CNNM3: variants seen among roughly 807,000 people sequenced by gnomAD.
The protein encoded by CNNM3 is cyclin and CBS domain divalent metal cation transport mediator 3, also known as metal transporter CNNM3.
CNNM3 carries 47 observed loss-of-function variants against 57.1 expected under a neutral mutation model. The observed-to-expected ratio is 0.82, with a 90% CI of 0.65 to 1.05. The LOEUF is 1.05. Ranked by LOEUF, CNNM3 falls within the 50% of genes least tolerant of loss-of-function variation. The pLI is 0.00. For synonymous variants in CNNM3, 507 were observed against 478.2 expected (o/e 1.06, Z -0.79); for missense variants, 957 against 973.7 (o/e 0.98, Z 0.23).
In CNNM3 at chr2:96,822,011, T is replaced by TA. The variant is rs1349087712; in HGVS notation, c.1226-3047_1226-3046insA. Among the ~76,000 whole-genome samples the TA allele has an allele frequency of 3.5e-3, 485 of 139,624 alleles. 2 individuals carry two copies. Among genetic ancestry groups the TA allele is most frequent in the African/African-American group, 9.5e-3 (345 of 36,314 alleles). 91.6% of individuals were successfully genotyped at this position (139,624 alleles called of 152,430 possible). A position where few individuals can be genotyped will look rare whatever the true frequency, so the allele number is the denominator to read the frequency against. On this transcript the variant is annotated intron_variant, in intron 1 of 7. Coordinates refer to ENST00000305510, the MANE Select transcript of CNNM3 (RefSeq NM_017623.5). ...CATTATTATTATTATTATTATTTTT[T>TA]TTTTTTTTTTGAGATGGAGTGTTGC...
chr2:96,832,352 T>A (rs2079617665), intron 7 of CNNM3, 200 bp from the exon 8 acceptor site: 1 of 985,208 alleles, frequency 1.0e-6, no homozygotes, highest in South Asian at 4.7e-5. Flanking sequence ...CAGCCCCAGC[T>A]TCCCCGTCTC....
Position 96,833,563 on chromosome 2 carries a change from GTTA to G in CNNM3, c.*949_*951del, listed in dbSNP as rs1559017178. 1 of 152,556 alleles carries G rather than the reference GTTA, an allele frequency of 6.6e-6. No homozygotes were observed. The highest frequency in any genetic ancestry group is 1.5e-5 in the Non-Finnish European group (1 of 68,390). 9.5% of individuals were successfully genotyped at this position (152,556 alleles called of 1,614,324 possible). A position where few individuals can be genotyped will look rare whatever the true frequency, so the allele number is the denominator to read the frequency against. ...CCTCTTTAAAAAAAAAAAAGTTTTT[GTTA>G]TATCTCTAGAACATTTCAAGTCTTT... On this transcript the variant is annotated 3_prime_UTR_variant, in exon 8 of 8. Transcript: ENST00000305510.
In CNNM3 at chr2:96,816,759, T is replaced by C; in HGVS notation, c.482T>C (p.Leu161Pro). The part of the protein sequence containing the change: ...ARGLQLSALA[L>P]APAEVQVLRE... ...GGCCTGCAGCTGAGCGCGCTGGCGC[T>C]GGCGCCTGCCGAGGTGCAGGTGCTG... Residue 161 changes from leucine (L) to proline (P), a missense_variant, in exon 1 of 8, where the codon CTG becomes CCG. Coordinates refer to ENST00000305510, the MANE Select transcript of CNNM3 (RefSeq NM_017623.5). 9.8e-7 allele frequency: 1 copy of C among 1,018,254 alleles called. No homozygotes were observed. The highest frequency in any genetic ancestry group is 9.7e-5 in the East Asian group (1 of 10,326). The allele number at this position is 1,018,254 out of a possible 1,614,324, so 63.1% of individuals were successfully genotyped here.
In CNNM3 at chr2:96,832,697, C is replaced by T. The variant is rs192390057; in HGVS notation, c.*81C>T. On this transcript the variant is annotated 3_prime_UTR_variant, in exon 8 of 8. Transcript: ENST00000305510. The stretch of plus-strand genomic sequence containing the variant: ...GTGAGCTGAGCAGAAGTTTTGTGCC[C>T]GCCTGCCCCCATCCCCTCCAGGCCA... 362 of 1,593,910 alleles carry T rather than the reference C, an allele frequency of 2.3e-4. No individual in the cohort carries two copies. The East Asian group carries it at 2.3e-3, about 10-fold the overall frequency.
intron 6 of CNNM3, 98 bp from the exon 7 acceptor site, chr2:96,828,897 GT>G: frequency 6.4e-7 from 1 of 1,551,618 alleles, no homozygotes; most frequent in South Asian, 1.2e-5. Context: ...CTAGCTTAAA[GT>G]TGTGCCTCTG....
chr2:96,828,222 G>C (rs1343101679), intron 5 of CNNM3, 27 bp downstream of exon 5: 1 of 1,576,416 alleles, frequency 6.3e-7, no homozygotes, highest in African/African-American at 1.4e-5. Context: ...CTGATGCTGA[G>C]GGCCAGGGTG....
In CNNM3 at chr2:96,832,552, G is replaced by A; in HGVS notation, c.2060G>A (p.Gly687Glu). The A allele has an allele frequency of 1.9e-6, 3 of 1,614,078 alleles. No individual in the cohort carries two copies. The highest frequency in any genetic ancestry group is 2.2e-5 in the South Asian group (2 of 91,064). ...ATTCTCCTTCCCTTGTCTCCTGTAG[G>A]GTCCAGCCACAGCAGGCCCGGCGTC... ...LLGEKTTTAA[G>E]SSHSRPGVPV... Residue 687 changes from glycine to glutamate, a missense_variant and splice_region_variant, in exon 8 of 8, where the codon GGG becomes GAG. By Grantham distance (98) the Gly-to-Glu change is moderately conservative. Coordinates refer to ENST00000305510, the MANE Select transcript of CNNM3 (RefSeq NM_017623.5).
At chr2:96,826,420 C>T (rs1023310547) in intron 2 of CNNM3, among the ~76,000 whole-genome samples, 10 of 152,128 alleles carry the variant, frequency 6.6e-5, no homozygotes, top group Admixed American at 1.3e-4. Flanking sequence ...CTCTATGTTG[C>T]CTAGGCTGGT....
Position 96,832,607 on chromosome 2 carries a change from A to C in CNNM3, c.2115A>C (p.Pro705=). ...TGGAAGGCAGCCCTGGGCGGAACCC[A>C]GGCGTTTAACGGCTCACTAGGCAGC... ...VPVEGSPGRN[P]GV is the part of the protein sequence containing the mutation. The change falls in exon 8 of 8, where the codon CCA becomes CCC. Residue 705 remains proline (P), a synonymous_variant. Coordinates refer to ENST00000305510, the MANE Select transcript of CNNM3 (RefSeq NM_017623.5). 1 of 1,613,950 alleles carries C rather than the reference A, an allele frequency of 6.2e-7. No homozygotes were observed. The highest frequency in any genetic ancestry group is 1.3e-5 in the African/African-American group (1 of 75,060).
chr2:96,817,533 C>T (rs921565548), intron 1 of CNNM3, 31 bp downstream of exon 1: 26 of 1,575,462 alleles, frequency 1.7e-5, no homozygotes, highest in South Asian at 8.1e-5. Context: ...CAGGGGACGC[C>T]CGTGCGAGTG....
At position 96,816,797 on chromosome 2, in the gene CNNM3, T is replaced by A; in HGVS notation, c.520T>A (p.Ser174Thr). 2.9e-6 allele frequency: 3 copies of A among 1,024,740 alleles called. No individual in the cohort carries two copies. The highest frequency in any genetic ancestry group is 3.5e-6 in the Non-Finnish European group (3 of 858,528). The allele number at this position is 1,024,740 out of a possible 1,614,324, so 63.5% of individuals were successfully genotyped here. Residue 174 changes from serine to threonine, a missense_variant, in exon 1 of 8, where the codon TCG becomes ACG. Around this residue, in one of 2 missense-constraint regions of CNNM3, gnomAD observed 466 missense variants for 403.1 expected, o/e 1.16. Transcript: ENST00000305510. ...GGTGCAGGTGCTGCGCGAGAGCGGC[T>A]CGGAGGCGGAGCGTGCGGCGGCGCG... ...AEVQVLRESGSEAERAAARRL... is the reference protein window; with the variant it reads ...AEVQVLRESGTEAERAAARRL...
Position 96,834,421 on chromosome 2 carries a change from T to A in CNNM3, c.*1805T>A, listed in dbSNP as rs981056474. ...GTGCAGTGGTGTGATCACGGCTTGC[T>A]GCAGCCTCGACCTCCCTGGTTCAGG... On this transcript the variant is annotated 3_prime_UTR_variant, in exon 8 of 8. Coordinates refer to ENST00000305510, the MANE Select transcript of CNNM3 (RefSeq NM_017623.5). Among the ~76,000 whole-genome samples the A allele has an allele frequency of 6.6e-6, 1 of 151,888 alleles. No individual in the cohort carries two copies. Among genetic ancestry groups the A allele is most frequent in the Non-Finnish European group, 1.5e-5 (1 of 67,994 alleles).
chr2:96,817,995 C>T (rs2079350881), intron 1 of CNNM3, among the ~76,000 whole-genome samples: 1 of 152,178 alleles, frequency 6.6e-6, no homozygotes, highest in African/African-American at 2.4e-5. Flanking sequence ...AGGTCCCTGG[C>T]GTTACTGCAG....
At chr2:96,825,491 G>A (rs1242309665) in intron 2 of CNNM3, among the ~76,000 whole-genome samples, 1 of 152,232 alleles carries the variant, frequency 6.6e-6, no homozygotes, top group African/African-American at 2.4e-5. Flanking sequence ...ATTACTGAGA[G>A]AGCTCTGCCC....
intron 2 of CNNM3, 28 bp from the exon 3 acceptor site, chr2:96,826,805 C>A: frequency 6.2e-7 from 1 of 1,612,890 alleles, no homozygotes; most frequent in Non-Finnish European, 8.5e-7. Context: ...TGGCTGATGC[C>A]TGAGCGCGCC....
intron 2 of CNNM3, 130 bp from the exon 3 acceptor site, chr2:96,826,703 G>A: frequency 5.7e-6 from 6 of 1,054,766 alleles, no homozygotes; most frequent in Non-Finnish European, 8.4e-6. Flanking sequence ...CATGTCCCTG[G>A]CGTTCCGATG....
intron 1 of CNNM3, among the ~76,000 whole-genome samples, chr2:96,817,761 C>G (rs562775341): frequency 1.1e-3 from 170 of 151,992 alleles, no homozygotes; most frequent in Non-Finnish European, 1.9e-3. Flanking sequence ...CCCCCCCCCC[C>G]CATTTGCAGG....
intron 7 of CNNM3, 161 bp downstream of exon 7, chr2:96,829,295 A>T: frequency 1.2e-6 from 1 of 849,774 alleles, no homozygotes. Flanking sequence ...ATATATAAAT[A>T]ATTTTTTTTT....
chr2:96,830,054 A>G (rs1299631458), intron 7 of CNNM3, among the ~76,000 whole-genome samples: 1 of 152,198 alleles, frequency 6.6e-6, no homozygotes, highest in African/African-American at 2.4e-5. Flanking sequence ...CACTGCAAGG[A>G]GGGAGGTGAA....
Sources: gnomAD v4.1 joint callset for allele counts (sites outside exome capture counted in the v4.1 genomes callset) on GRCh38, gnomAD v4.1.1 for gene constraint, gnomAD v4.1.1 regional missense constraint, MANE v1.5 for transcripts, NCBI Gene and HGNC (gene_info 2026-07-23, HGNC 2026-07-21) for gene names.